Variants in TLR6 observed in about 807,000 individuals in gnomAD.
TLR6 encodes the protein toll-like receptor 6.
In TLR6, 9 loss-of-function variants were observed where a neutral mutation model predicts 16.1. That is an observed-to-expected ratio of 0.56 (90% CI 0.34 to 0.98). The LOEUF (loss-of-function observed/expected upper bound fraction) is 0.98, where lower values mean the gene tolerates loss of function less well. Among genes scored for constraint, TLR6 ranks in the 50% least tolerant of loss-of-function variants. The pLI is 0.02. For synonymous variants in TLR6, 340 were observed against 338.6 expected, an observed-to-expected ratio of 1.00 and a Z score of -0.04; for missense variants, 786 against 921.0, an observed-to-expected ratio of 0.85 and a Z score of 1.90.
upstream of TLR6, among the ~76,000 whole-genome samples, chr4:38,858,852 A>G (rs372433049): frequency 2.5e-5 from 3 of 117,904 alleles, no homozygotes; most frequent in Non-Finnish European, 5.2e-5. Context: ...AGAAAGAAAG[A>G]AAGAAAGAAA....
intron 1 of TLR6, among the ~76,000 whole-genome samples, chr4:38,855,892 T>G (rs763532186): frequency 2.0e-5 from 3 of 152,172 alleles, no homozygotes; most frequent in Non-Finnish European, 2.9e-5. Context: ...TGCTCTTGAT[T>G]TTTTAAATGC....
chr4:38,826,935 C>G (rs1238384593), exon 2 of TLR6: 5 of 676,760 alleles, frequency 7.4e-6, no homozygotes, highest in Non-Finnish European at 1.2e-5. Flanking sequence ...CCGCCTAGCT[C>G]AGTTCCCCAG....
chr4:38,867,993 ACCC>A, the TLR6 span: 1 of 392,002 alleles, frequency 2.6e-6, no homozygotes, highest in Non-Finnish European at 5.1e-6. Context: ...GTCAGGGAGG[ACCC>A]GGCTCTGGGG....
At chr4:38,858,804 AGAGAGAGAGG>A, upstream of TLR6, among the ~76,000 whole-genome samples, 1 of 122,640 alleles carries the variant, frequency 8.2e-6, no homozygotes, top group African/African-American at 3.5e-5. Flanking sequence ...AGAGAGAGAG[AGAGAGAGAGG>A]GAGAGAGAGA....
the TLR6 span, among the ~76,000 whole-genome samples, chr4:38,865,717 T>A: frequency 6.7e-3 from 1,017 of 152,338 alleles, 10 homozygotes; most frequent in African/African-American, 0.023. Context: ...GTGGAAAAAC[T>A]GAGTTACAGA....
At chr4:38,858,836 A>AGAGAGAGAGAGG (rs1713117134), upstream of TLR6, among the ~76,000 whole-genome samples, 1 of 36,384 alleles carries the variant, frequency 2.7e-5, no homozygotes, top group Non-Finnish European at 7.1e-5. Flanking sequence ...AGAGAGGAAG[A>AGAGAGAGAGAGG]AAGAAAGAAA....
chr4:38,853,076 T>C (rs1284003662), intron 1 of TLR6, among the ~76,000 whole-genome samples: 1 of 150,944 alleles, frequency 6.6e-6, no homozygotes, highest in East Asian at 2.0e-4. Context: ...TTCATGTCCT[T>C]TGTAGGGACA....
At chr4:38,847,645 C>A (rs569364081) in intron 1 of TLR6, among the ~76,000 whole-genome samples, 11 of 152,370 alleles carry the variant, frequency 7.2e-5, no homozygotes, top group African/African-American at 2.2e-4. Flanking sequence ...TATCCCGCAC[C>A]TGGCTTGGAG....
At chr4:38,836,461 CAAGT>C (rs1711923464) in intron 1 of TLR6, among the ~76,000 whole-genome samples, 2 of 152,138 alleles carry the variant, frequency 1.3e-5, no homozygotes, top group South Asian at 4.1e-4. Flanking sequence ...AGACCAATAA[CAAGT>C]AATAAGTTTG....
Position 38,828,773 on chromosome 4 carries a change from T to A in TLR6, c.701A>T (p.Asn234Ile), listed in dbSNP as rs758231187. The A allele has an allele frequency of 6.8e-6, 11 of 1,613,592 alleles. No individual in the cohort carries two copies. In the Admixed American group the frequency reaches 1.3e-4, roughly 20 times the overall value. ...TAAAAATTTAATGAAAACTTGACAG[T>A]TGTCATCATTCAATTTAATATTAGT... The change falls in exon 2 of 2, where the codon AAC becomes ATC. Residue 234 changes from asparagine (N) to isoleucine (I), a missense_variant. Asn to Ile is a moderately radical substitution (Grantham distance 149). Transcript: ENST00000436693.
upstream of TLR6, among the ~76,000 whole-genome samples, chr4:38,857,238 A>G (rs969090784): frequency 5.3e-5 from 8 of 152,228 alleles, 1 homozygote; most frequent in South Asian, 1.0e-3. Context: ...AAAATAAAAT[A>G]AGTATAGTTC....
At chr4:38,853,526 A>C (rs1202098941) in intron 1 of TLR6, among the ~76,000 whole-genome samples, 8 of 152,250 alleles carry the variant, frequency 5.3e-5, no homozygotes, top group Non-Finnish European at 1.2e-4. Flanking sequence ...TGGAAAGCCA[A>C]AGAGAAGTCA....
chr4:38,837,966 G>A (rs745669673), intron 1 of TLR6, among the ~76,000 whole-genome samples: 12 of 151,942 alleles, frequency 7.9e-5, no homozygotes, highest in East Asian at 5.8e-4. Context: ...AAAAGAAGAC[G>A]TACAAATGGC....
exon 2 of TLR6, chr4:38,828,128 G>A (rs1727641922): frequency 3.7e-6 from 6 of 1,614,146 alleles, no homozygotes; most frequent in Non-Finnish European, 5.1e-6. Flanking sequence ...GATCCTGGGA[G>A]GTAAACATCT....
exon 2 of TLR6, chr4:38,825,096 C>T (rs1057223109): frequency 1.3e-5 from 2 of 152,152 alleles, no homozygotes; most frequent in Non-Finnish European, 2.9e-5. Flanking sequence ...CGTGCCTGGC[C>T]GAAACTGGTT....
At chr4:38,846,702 T>C (rs764285472) in intron 1 of TLR6, among the ~76,000 whole-genome samples, 1 of 151,992 alleles carries the variant, frequency 6.6e-6, no homozygotes, top group Non-Finnish European at 1.5e-5. Context: ...GACAAAAATC[T>C]TAATAGAAAT....
exon 2 of TLR6, chr4:38,828,947 A>G (rs1727693822): frequency 6.2e-7 from 1 of 1,612,296 alleles, no homozygotes; most frequent in Non-Finnish European, 8.5e-7. Flanking sequence ...TCTTAAATCC[A>G]GAAGGATATA....
At chr4:38,851,399 A>G (rs1450317653) in intron 1 of TLR6, among the ~76,000 whole-genome samples, 28 of 152,192 alleles carry the variant, frequency 1.8e-4, no homozygotes, top group Admixed American at 1.8e-3. Flanking sequence ...CAATCAGGCA[A>G]AAGAAAGAAA....
chr4:38,829,575 G>A, intron 1 of TLR6, 38 bp from the exon 2 acceptor site: 1 of 709,688 alleles, frequency 1.4e-6, no homozygotes, highest in South Asian at 1.9e-5. Flanking sequence ...ATAAAGATCG[G>A]ATGGTTACTC....
Sources: gnomAD v4.1 joint callset for allele counts (sites outside exome capture counted in the v4.1 genomes callset) on GRCh38, gnomAD v4.1.1 for gene constraint, MANE v1.5 for transcripts, NCBI Gene and HGNC (gene_info 2026-07-23, HGNC 2026-07-21) for gene names.